Variants in ADGRL3 observed in about 807,000 individuals in gnomAD.
ADGRL3 encodes calcium-independent alpha-latrotoxin receptor 3.
Under a neutral mutation model 153.5 loss-of-function variants are expected in ADGRL3, and 62 were observed. That is an observed-to-expected ratio of 0.40 (90% CI 0.33 to 0.50). The LOEUF is 0.50. Ranked by LOEUF, ADGRL3 falls within the 20% of genes least tolerant of loss-of-function variation. ADGRL3 has a pLI of 0.47. For missense variants in ADGRL3, 1,641 were observed against 1,859.4 expected (o/e 0.88, Z 2.16); for synonymous variants, 710 against 672.5 (o/e 1.06, Z -0.86).
At chr4:61,667,228 T>C (rs1217022130) in intron 5 of ADGRL3, among the ~76,000 whole-genome samples, 1 of 152,128 alleles carries the variant, frequency 6.6e-6, no homozygotes, top group Non-Finnish European at 1.5e-5. Context: ...CTTTGCAAGA[T>C]TACCACATTT....
intron 1 of ADGRL3, among the ~76,000 whole-genome samples, chr4:61,362,877 T>C (rs76554187): frequency 0.03 from 4,538 of 152,280 alleles, 84 homozygotes; most frequent in Non-Finnish European, 0.051. Context: ...AAAAACCTTC[T>C]GATCACTTCT....
chr4:61,464,669 G>A (rs533864733), intron 2 of ADGRL3, among the ~76,000 whole-genome samples: 216 of 152,148 alleles, frequency 1.4e-3, no homozygotes, highest in Non-Finnish European at 1.9e-3. Flanking sequence ...CCATTTTAAC[G>A]TTAGGATCAG....
intron 9 of ADGRL3, among the ~76,000 whole-genome samples, chr4:61,871,210 G>A (rs552772421): frequency 1.9e-4 from 29 of 151,824 alleles, no homozygotes; most frequent in East Asian, 3.9e-4. Context: ...CCCAGGAGGC[G>A]GAGCTTGCAG....
At chr4:62,048,260 A>ATTAC (rs1732208293) in intron 25 of ADGRL3, among the ~76,000 whole-genome samples, 3 of 151,544 alleles carry the variant, frequency 2.0e-5, no homozygotes, top group African/African-American at 7.2e-5. Context: ...TATTTATTTT[A>ATTAC]TTATTTATTT....
At position 61,711,381 on chromosome 4, in the gene ADGRL3, C is replaced by T. The variant is rs530326802; in HGVS notation, c.584-19241C>T. Among the ~76,000 whole-genome samples the T allele has an allele frequency of 1.2e-4, 18 of 147,172 alleles. No homozygotes were observed. In the East Asian group the frequency reaches 2.2e-3, roughly 18 times the overall value. On this transcript the variant is annotated intron_variant, in intron 6 of 26. Transcript: ENST00000683033. ...AGCTAGTGTTACTTTCTGTCCTTTC[C>T]GTTACTGAAGTGAAGATCCAATTGG...
intron 4 of ADGRL3, chr4:61,579,759 CTTT>C (rs2098915706): frequency 3.4e-6 from 1 of 294,064 alleles, no homozygotes; most frequent in South Asian, 2.8e-5. Context: ...TTTGGTTATT[CTTT>C]TTTAATTGTC....
At chr4:61,456,368 GATATATCTATATAT>G (rs1416460793) in intron 2 of ADGRL3, among the ~76,000 whole-genome samples, 1 of 113,160 alleles carries the variant, frequency 8.8e-6, no homozygotes, top group African/African-American at 3.3e-5. Flanking sequence ...TAGAGATATA[GATATATCTATATAT>G]ATATATAGAT....
At chr4:61,632,298 T>C (rs147583849) in intron 5 of ADGRL3, among the ~76,000 whole-genome samples, 1,860 of 152,310 alleles carry the variant, frequency 0.012, 43 homozygotes, top group African/African-American at 0.042. Context: ...TCTATATATA[T>C]ATTGTGAAAG....
chr4:62,005,961 TACACATACACACACAC>T (rs1315585385), intron 21 of ADGRL3, among the ~76,000 whole-genome samples: 41 of 82,700 alleles, frequency 5.0e-4, no homozygotes, highest in African/African-American at 1.6e-3. Flanking sequence ...TACATATATA[TACACATACACACACAC>T]ACACACACAC....
At chr4:61,684,719 T>C (rs1383105149) in intron 6 of ADGRL3, among the ~76,000 whole-genome samples, 1 of 152,042 alleles carries the variant, frequency 6.6e-6, no homozygotes, top group Non-Finnish European at 1.5e-5. Context: ...ACAGGCTAGC[T>C]CTGATTTGGT....
chr4:61,660,012 A>G (rs559253370), intron 5 of ADGRL3, among the ~76,000 whole-genome samples: 25 of 152,254 alleles, frequency 1.6e-4, no homozygotes, highest in African/African-American at 6.0e-4. Flanking sequence ...CAGAGGAGAA[A>G]GATATTCAGG....
intron 9 of ADGRL3, among the ~76,000 whole-genome samples, chr4:61,838,940 T>C (rs2148963981): frequency 6.6e-6 from 1 of 152,312 alleles, no homozygotes; most frequent in Admixed American, 6.5e-5. Context: ...AAATGCCAGT[T>C]AGAATAACAC....
chr4:61,951,218 A>G (rs965354343), intron 17 of ADGRL3, among the ~76,000 whole-genome samples: 8 of 152,198 alleles, frequency 5.3e-5, no homozygotes, highest in African/African-American at 1.7e-4. Context: ...AAAATGAAAT[A>G]TAACCTGACT....
At chr4:61,531,313 A>G (rs1298619984) in intron 4 of ADGRL3, among the ~76,000 whole-genome samples, 1 of 152,116 alleles carries the variant, frequency 6.6e-6, no homozygotes, top group Non-Finnish European at 1.5e-5. Flanking sequence ...GCCTAGTCTA[A>G]CTTGCATTAT....
chr4:62,037,251 T>C (rs766493715), intron 23 of ADGRL3, among the ~76,000 whole-genome samples: 2 of 152,130 alleles, frequency 1.3e-5, no homozygotes, highest in Non-Finnish European at 2.9e-5. Context: ...TCACTTTCTC[T>C]GATATTTCTC....
intron 1 of ADGRL3, among the ~76,000 whole-genome samples, chr4:61,236,008 CTTTTTTTTT>C (rs55932029): frequency 2.1e-5 from 2 of 95,852 alleles, no homozygotes; most frequent in African/African-American, 8.3e-5. Context: ...CTTTTCTTTT[CTTTTTTTTT>C]TTTTTTTTTT....
intron 13 of ADGRL3, among the ~76,000 whole-genome samples, chr4:61,913,641 C>G (rs115954653): frequency 6.6e-6 from 1 of 151,964 alleles, no homozygotes; most frequent in African/African-American, 2.4e-5. Context: ...TTTTTTTAAC[C>G]AAAACTCTTA....
chr4:61,422,353 G>C (rs184727412), intron 2 of ADGRL3, among the ~76,000 whole-genome samples: 1 of 152,082 alleles, frequency 6.6e-6, no homozygotes, highest in Non-Finnish European at 1.5e-5. Context: ...GAAGTAAACA[G>C]TAGTTTCTTT....
chr4:61,629,123 GGA>G (rs570090639), intron 5 of ADGRL3, among the ~76,000 whole-genome samples: 95 of 152,074 alleles, frequency 6.2e-4, no homozygotes, highest in Non-Finnish European at 1.1e-3. Context: ...ATATACAGAT[GGA>G]GACTCTTTGG....
Sources: allele counts gnomAD v4.1 joint callset (sites outside exome capture counted in the v4.1 genomes callset), GRCh38; gene constraint gnomAD v4.1.1; transcripts MANE v1.5; gene names NCBI Gene and HGNC (gene_info 2026-07-23, HGNC 2026-07-21).